Variants in PHC1 observed in about 807,000 individuals in gnomAD.
The protein encoded by PHC1 is polyhomeotic homolog 1.
A neutral mutation model predicts 104.3 loss-of-function variants in PHC1; 12 were observed. The observed-to-expected ratio is 0.12, with a 90% CI of 0.07 to 0.19. The LOEUF is 0.19. Ranked by LOEUF, PHC1 falls within the 10% of genes least tolerant of loss-of-function variation. The pLI, the probability that PHC1 is intolerant of heterozygous loss-of-function variation, is 1.00. For missense variants in PHC1, 671 were observed against 1,200.0 expected, an observed-to-expected ratio of 0.56 and a Z score of 6.51; for synonymous variants, 302 against 455.8, an observed-to-expected ratio of 0.66 and a Z score of 4.30.
intron 6 of PHC1, among the ~76,000 whole-genome samples, chr12:8,923,197 GTTGC>G (rs1271865673): frequency 6.6e-6 from 1 of 152,092 alleles, no homozygotes; most frequent in African/African-American, 2.4e-5. Flanking sequence ...GGAATGTTTG[GTTGC>G]TTCTGTTTGT....
At position 8,923,664 on chromosome 12, in the gene PHC1, TAAAA is replaced by T. The variant is rs554724615; in HGVS notation, c.612+880_612+883del. Among the ~76,000 whole-genome samples the T allele has an allele frequency of 2.6e-5, 4 of 151,442 alleles. 1 individual carries two copies. In the South Asian group the frequency reaches 8.4e-4, roughly 32 times the overall value. The stretch of plus-strand genomic sequence containing the variant: ...TAACATGGTGAAACCCCGTCTCTAC[TAAAA>T]AAATACAAAAAATTAGCCAGGCGTG... On this transcript the variant is annotated intron_variant, in intron 6 of 14. Coordinates refer to ENST00000544916, the MANE Select transcript of PHC1 (RefSeq NM_004426.3).
intron 7 of PHC1, 28 bp downstream of exon 7, chr12:8,930,955 T>C: frequency 1.3e-6 from 2 of 1,572,000 alleles, no homozygotes; most frequent in East Asian, 2.3e-5. Flanking sequence ...ATGTCATTAT[T>C]CTCTCAGAAT....
intron 6 of PHC1, among the ~76,000 whole-genome samples, chr12:8,924,893 G>A (rs1326983889): frequency 1.3e-5 from 2 of 152,182 alleles, no homozygotes; most frequent in Non-Finnish European, 2.9e-5. Context: ...AACAGTTCCT[G>A]GAGAAGAGAA....
rs1945961415 is a variant in PHC1, at chr12:8,939,967, CACTT to C, written c.*512_*515del. The C allele has an allele frequency of 2.2e-6, 1 of 450,562 alleles. No homozygotes were observed. Among genetic ancestry groups the C allele is most frequent in the South Asian group, 1.6e-5 (1 of 63,872 alleles). 27.9% of individuals were successfully genotyped at this position (450,562 alleles called of 1,614,324 possible). On this transcript the variant is annotated 3_prime_UTR_variant, in exon 15 of 15. Transcript: ENST00000544916. ...GCTCAGAGTTTTTTCTTTTTGTTGT[CACTT>C]ACTCCCTTGTGATTGAATTTTTTCT... is the stretch of plus-strand genomic sequence containing the variant.
At position 8,940,359 on chromosome 12, in the gene PHC1, AAT is replaced by A. The variant is rs201201338; in HGVS notation, c.*903_*904del. ...CCACTTTCACACAAATGACAAGGCC[AAT>A]ATGTTTTGTTTGTTTTTTAATCATT... is the stretch of plus-strand genomic sequence containing the variant. On this transcript the variant is annotated 3_prime_UTR_variant, in exon 15 of 15. Coordinates refer to ENST00000544916, the MANE Select transcript of PHC1 (RefSeq NM_004426.3). 5.7e-3 allele frequency: 1,042 copies of A among 182,210 alleles called. 15 individuals are homozygous for A. The highest frequency in any genetic ancestry group is 0.024 in the African/African-American group (993 of 41,738). 11.3% of individuals were successfully genotyped at this position (182,210 alleles called of 1,614,324 possible).
chr12:8,939,376 G>A lies in PHC1; in HGVS notation c.2932G>A (p.Glu978Lys). The change falls in exon 15 of 15, where the codon GAA becomes AAA. Residue 978 changes from glutamate to lysine, a missense_variant. Physicochemically the swap from Glu to Lys is moderately conservative, Grantham distance 56. Coordinates refer to ENST00000544916, the MANE Select transcript of PHC1 (RefSeq NM_004426.3). Reference sequence around the variant, plus strand: ...ACAGGCCCTTTTATTACTTAAAGAAGAACATCTTATGAGTGCCATGAACAT... The same window carrying A: ...ACAGGCCCTTTTATTACTTAAAGAAAAACATCTTATGAGTGCCATGAACAT... Reference protein sequence around the residue: ...DGQALLLLKEEHLMSAMNIKL... With the variant: ...DGQALLLLKEKHLMSAMNIKL... 1 of 1,601,560 alleles carries A rather than the reference G, an allele frequency of 6.2e-7. No individual in the cohort carries two copies. Among genetic ancestry groups the A allele is most frequent in the Non-Finnish European group, 8.6e-7 (1 of 1,169,506 alleles).
chr12:8,921,510 C>G, intron 4 of PHC1, 91 bp from the exon 5 acceptor site: 1 of 1,157,306 alleles, frequency 8.6e-7, no homozygotes, highest in Middle Eastern at 2.1e-4. Flanking sequence ...ATACTCTGTT[C>G]TTGACTGTGT....
intron 10 of PHC1, among the ~76,000 whole-genome samples, chr12:8,934,883 T>A (rs1013742999): frequency 6.6e-6 from 1 of 151,938 alleles, no homozygotes; most frequent in Admixed American, 6.6e-5. Context: ...AGGAACCTGT[T>A]CTCCAATGGC....
intron 6 of PHC1, among the ~76,000 whole-genome samples, chr12:8,924,866 G>A (rs931458363): frequency 1.2e-4 from 18 of 152,182 alleles, no homozygotes; most frequent in African/African-American, 4.3e-4. Context: ...AAGAACTATA[G>A]GGAGAATAAC....
chr12:8,932,435 G>C (rs1945712683), intron 7 of PHC1, 128 bp from the exon 8 acceptor site: 1 of 929,292 alleles, frequency 1.1e-6, no homozygotes, highest in Non-Finnish European at 1.6e-6. Flanking sequence ...ATACTGACTA[G>C]ATTTCTTTTC....
At chr12:8,927,497 T>C (rs1440375712) in intron 6 of PHC1, among the ~76,000 whole-genome samples, 1 of 151,894 alleles carries the variant, frequency 6.6e-6, no homozygotes, top group Non-Finnish European at 1.5e-5. Flanking sequence ...TGCCTTTTGA[T>C]AGGAAGAGGA....
chr12:8,938,085 C>T, intron 14 of PHC1, 25 bp downstream of exon 14: 1 of 1,548,884 alleles, frequency 6.5e-7, no homozygotes, highest in Non-Finnish European at 8.9e-7. Flanking sequence ...TTCAACAGAA[C>T]CCAGGTTGTT....
chr12:8,939,255 C>T (rs146484337), intron 14 of PHC1, 50 bp from the exon 15 acceptor site: 1 of 1,607,474 alleles, frequency 6.2e-7, no homozygotes, highest in African/African-American at 1.3e-5. Context: ...ATTTAGCTTC[C>T]CTTCTCCTAT....
chr12:8,935,048 G>T (rs2137125585), intron 10 of PHC1, 76 bp from the exon 11 acceptor site: 1 of 711,062 alleles, frequency 1.4e-6, no homozygotes, highest in Non-Finnish European at 2.4e-6. Context: ...CATAATTGAT[G>T]GGGAAATGTT....
In PHC1 at chr12:8,937,850, G is replaced by T. The variant is rs754985419; in HGVS notation, c.2650G>T (p.Gly884Cys). ...ATAGGGTCAAGAAGACTCTAGCCGG[G>T]GTTCAGATAATTCCAGTTATGATGA... ...CHRGQEDSSR[G>C]SDNSSYDEAL... The change falls in exon 14 of 15, where the codon GGT (glycine) becomes TGT (cysteine). Residue 884 changes from glycine (G) to cysteine (C), a missense_variant. Physicochemically the swap from Gly to Cys is radical, Grantham distance 159. Coordinates refer to ENST00000544916, the MANE Select transcript of PHC1 (RefSeq NM_004426.3). 2 of 1,612,824 alleles carry T rather than the reference G, an allele frequency of 1.2e-6. No homozygotes were observed. The highest frequency in any genetic ancestry group is 2.2e-5 in the East Asian group (1 of 44,878).
rs1274910925 is a variant in PHC1, at chr12:8,941,464, A to G, written c.*2005A>G. 1 of 195,876 alleles carries G rather than the reference A, an allele frequency of 5.1e-6. No individual in the cohort carries two copies. The highest frequency in any genetic ancestry group is 1.0e-5 in the Non-Finnish European group (1 of 95,384). The allele number at this position is 195,876 out of a possible 1,614,324, so 12.1% of individuals were successfully genotyped here. A position where few individuals can be genotyped will look rare whatever the true frequency, so the allele number is the denominator to read the frequency against. ...TTAATTAAAGAAATCCAGTGTCTCA[A>G]AAACTTGTGAAAATGTGTTTAAAAA... On this transcript the variant is annotated 3_prime_UTR_variant, in exon 15 of 15. Coordinates refer to ENST00000544916, the MANE Select transcript of PHC1 (RefSeq NM_004426.3).
chr12:8,917,242 C>T (rs773182469), intron 1 of PHC1, among the ~76,000 whole-genome samples: 1 of 152,162 alleles, frequency 6.6e-6, no homozygotes, highest in African/African-American at 2.4e-5. Context: ...TGGATGATAA[C>T]GATGCAGATG....
At chr12:8,920,509 A>T (rs1176692509) in intron 3 of PHC1, among the ~76,000 whole-genome samples, 2 of 151,904 alleles carry the variant, frequency 1.3e-5, no homozygotes, top group Non-Finnish European at 2.9e-5. Context: ...GGAGTTCAAG[A>T]CCAGCCTGGC....
chr12:8,927,797 C>A (rs1945558382), intron 6 of PHC1, among the ~76,000 whole-genome samples: 1 of 152,158 alleles, frequency 6.6e-6, no homozygotes, highest in African/African-American at 2.4e-5. Context: ...GCCATCAACT[C>A]TTTACTGCTC....
Sources: allele counts gnomAD v4.1 joint callset (sites outside exome capture counted in the v4.1 genomes callset), GRCh38; gene constraint gnomAD v4.1.1; transcripts MANE v1.5; gene names NCBI Gene and HGNC (gene_info 2026-07-23, HGNC 2026-07-21).